Variants in ABCA5 observed in about 807,000 individuals in gnomAD.
ABCA5 encodes the protein ATP binding cassette subfamily A member 5.
In ABCA5, 163 loss-of-function variants were observed where a neutral mutation model predicts 206.0. The ratio of observed to expected loss-of-function variants is 0.79; its 90% confidence interval spans 0.70 to 0.90. The LOEUF (loss-of-function observed/expected upper bound fraction) is 0.90. ABCA5 is among the 40% of genes least tolerant of loss of function. The pLI, the probability that ABCA5 is intolerant of heterozygous loss-of-function variation, is 0.00. For synonymous variants in ABCA5, 609 were observed against 613.8 expected (o/e 0.99, Z 0.11); for missense variants, 1,859 against 1,912.9 (o/e 0.97, Z 0.53).
chr17:69,260,106 ATT>A (rs2075130486), intron 27 of ABCA5, among the ~76,000 whole-genome samples: 1 of 151,930 alleles, frequency 6.6e-6, no homozygotes, highest in Non-Finnish European at 1.5e-5. Context: ...CAGAACTGTA[ATT>A]AAACAGAATT....
Position 69,247,579 on chromosome 17 carries a change from TG to T in ABCA5, c.4886del (p.Thr1629AsnfsTer12). 6.2e-7 allele frequency: 1 copy of T among 1,610,332 alleles called. No homozygotes were observed. Among genetic ancestry groups the T allele is most frequent in the African/African-American group, 1.3e-5 (1 of 74,884 alleles). ...CTTCTTGTGTTCGTTCCCACCAAAG[TG>T]TGCTGTTTAAAGTTCCACAACTATT... ...EDNSCGTLNS[T>X]LWWERTQEDR... On this transcript the variant is annotated frameshift_variant, in exon 39 of 39. Coordinates refer to ENST00000392676, the MANE Select transcript of ABCA5 (RefSeq NM_172232.4). LOFTEE classifies it high-confidence loss of function.
At chr17:69,297,047 A>G in intron 10 of ABCA5, 144 bp downstream of exon 10, 1 of 759,430 alleles carries the variant, frequency 1.3e-6, no homozygotes, top group Non-Finnish European at 2.0e-6. Flanking sequence ...TAAGAAAAAG[A>G]GAAAAGTAGC....
chr17:69,307,605 T>C (rs1464807781), intron 5 of ABCA5, among the ~76,000 whole-genome samples: 3 of 152,106 alleles, frequency 2.0e-5, no homozygotes, highest in African/African-American at 4.8e-5. Context: ...TAAATTTCTG[T>C]ATTATTGAAT....
At chr17:69,267,474 G>A (rs1210463735) in intron 23 of ABCA5, among the ~76,000 whole-genome samples, 1 of 152,140 alleles carries the variant, frequency 6.6e-6, no homozygotes, top group Non-Finnish European at 1.5e-5. Context: ...AGGCCCTAAT[G>A]ATGACAATCA....
chr17:69,289,711 T>G (rs1598181803), intron 13 of ABCA5, 151 bp downstream of exon 13: 2 of 653,224 alleles, frequency 3.1e-6, no homozygotes, highest in African/African-American at 1.9e-5. Context: ...TTACTCCAAA[T>G]TCTGTCTAAT....
chr17:69,296,105 G>A (rs1466457101), intron 10 of ABCA5, among the ~76,000 whole-genome samples: 1 of 152,082 alleles, frequency 6.6e-6, no homozygotes, highest in Non-Finnish European at 1.5e-5. Flanking sequence ...TGTTACATCA[G>A]TGAAGGGGGA....
chr17:69,278,202 C>A (rs967008908), intron 18 of ABCA5, among the ~76,000 whole-genome samples: 1 of 151,904 alleles, frequency 6.6e-6, no homozygotes, highest in Non-Finnish European at 1.5e-5. Flanking sequence ...TCACAAATGT[C>A]ATTTTGAGTG....
intron 22 of ABCA5, among the ~76,000 whole-genome samples, chr17:69,270,197 T>G (rs1339669646): frequency 1.3e-5 from 2 of 152,096 alleles, no homozygotes; most frequent in African/African-American, 4.8e-5. Flanking sequence ...TAAGAGAAAA[T>G]ATGTTGGATA....
chr17:69,302,498 A>G lies in ABCA5; in HGVS notation c.1119+220T>C, dbSNP rs1179837051. Among the ~76,000 whole-genome samples the G allele has an allele frequency of 1.1e-3, 172 of 152,242 alleles. 5 individuals are homozygous for G. The highest frequency in any genetic ancestry group is 0.011 in the Admixed American group (168 of 15,282). Reference sequence around the variant, plus strand: ...ATCACTGAGATACACTGAAGTAAAAAGTAAAAAATTTATAAACAGAACATT... The same window carrying G: ...ATCACTGAGATACACTGAAGTAAAAGGTAAAAAATTTATAAACAGAACATT... On this transcript the variant is annotated intron_variant, in intron 8 of 38. Transcript: ENST00000392676.
chr17:69,327,130 C>G lies in ABCA5; in HGVS notation c.-94G>C, dbSNP rs1399700540. The G allele has an allele frequency of 6.7e-6, 1 of 148,912 alleles. No individual in the cohort carries two copies. The highest frequency in any genetic ancestry group is 2.5e-5 in the African/African-American group (1 of 39,876). 9.2% of individuals were successfully genotyped at this position (148,912 alleles called of 1,614,324 possible). ...TCAGTGCGGGTGACCCAGCTGGGATCTGTGCGAGGGCGCGGCCGCGCGCAC... is the reference window on the plus strand; with the variant it reads ...TCAGTGCGGGTGACCCAGCTGGGATGTGTGCGAGGGCGCGGCCGCGCGCAC... On this transcript the variant is annotated 5_prime_UTR_variant, in exon 1 of 39. Coordinates refer to ENST00000392676, the MANE Select transcript of ABCA5 (RefSeq NM_172232.4).
At chr17:69,324,793 A>G (rs758538825) in intron 1 of ABCA5, among the ~76,000 whole-genome samples, 3 of 152,220 alleles carry the variant, frequency 2.0e-5, no homozygotes, top group Non-Finnish European at 2.9e-5. Context: ...TCTGAAACAC[A>G]AGAAATTAAA....
chr17:69,283,234 T>C (rs932440515), intron 18 of ABCA5, among the ~76,000 whole-genome samples: 17 of 152,116 alleles, frequency 1.1e-4, no homozygotes, highest in Admixed American at 7.2e-4. Flanking sequence ...TCTCCCTGCC[T>C]TGGCCTCCCA....
intron 25 of ABCA5, 78 bp downstream of exon 25, chr17:69,261,557 A>G (rs2075147631): frequency 1.4e-6 from 1 of 714,654 alleles, no homozygotes; most frequent in East Asian, 3.0e-5. Context: ...GACATGTAAC[A>G]TTTTTAGTAT....
At chr17:69,276,699 G>A (rs1269969715) in intron 19 of ABCA5, among the ~76,000 whole-genome samples, 6 of 152,136 alleles carry the variant, frequency 3.9e-5, no homozygotes, top group African/African-American at 7.2e-5. Flanking sequence ...AATACCTAAC[G>A]TAGTGATAGG....
chr17:69,307,766 A>G (rs1158697154), intron 5 of ABCA5, among the ~76,000 whole-genome samples: 1 of 152,152 alleles, frequency 6.6e-6, no homozygotes, highest in Non-Finnish European at 1.5e-5. Context: ...GCAGTGTAAC[A>G]ACAGAGACAA....
chr17:69,302,708 T>C lies in ABCA5; in HGVS notation c.1119+10A>G. On this transcript the variant is annotated intron_variant, in intron 8 of 38. Coordinates refer to ENST00000392676, the MANE Select transcript of ABCA5 (RefSeq NM_172232.4). ...ATATTTAGTGAATGCAAGATTAATA[T>C]ATTACCTACCTGTGCAATACCAATC... 7 of 1,477,108 alleles carry C rather than the reference T, an allele frequency of 4.7e-6. No individual in the cohort carries two copies. The highest frequency in any genetic ancestry group is 5.4e-6 in the Non-Finnish European group (6 of 1,117,124). The allele number at this position is 1,477,108 out of a possible 1,614,324, so 91.5% of individuals were successfully genotyped here.
At chr17:69,269,597 A>G (rs1452000771) in intron 22 of ABCA5, among the ~76,000 whole-genome samples, 1 of 152,212 alleles carries the variant, frequency 6.6e-6, no homozygotes, top group Non-Finnish European at 1.5e-5. Context: ...CTTCTACTCA[A>G]ATATTCATAA....
chr17:69,297,094 A>C, intron 10 of ABCA5, 97 bp downstream of exon 10: 1 of 1,203,758 alleles, frequency 8.3e-7, no homozygotes. Flanking sequence ...ATATGTACCA[A>C]ATCTAATATA....
chr17:69,287,163 T>C (rs1265037621), intron 15 of ABCA5, among the ~76,000 whole-genome samples: 4 of 152,226 alleles, frequency 2.6e-5, no homozygotes, highest in South Asian at 2.1e-4. Context: ...AATAAGAATC[T>C]TGAACACTGA....
Sources: allele counts gnomAD v4.1 joint callset (sites outside exome capture counted in the v4.1 genomes callset), GRCh38; gene constraint gnomAD v4.1.1; transcripts MANE v1.5; gene names NCBI Gene and HGNC (gene_info 2026-07-23, HGNC 2026-07-21).